MAU2: variants seen among roughly 807,000 people sequenced by gnomAD.
MAU2 encodes the protein MAU2 sister chromatid cohesion factor.
In MAU2, 9 loss-of-function variants were observed where a neutral mutation model predicts 89.1. The ratio of observed to expected loss-of-function variants is 0.10; its 90% CI spans 0.06 to 0.18. The LOEUF is 0.18. MAU2 is among the 10% of genes least tolerant of loss of function. MAU2 has a pLI of 1.00. For synonymous variants in MAU2, 357 were observed against 343.4 expected, an observed-to-expected ratio of 1.04 and a Z score of -0.44; for missense variants, 425 against 803.5, an observed-to-expected ratio of 0.53 and a Z score of 5.69.
At chr19:19,328,983 G>A (rs1296568395) in intron 1 of MAU2, 2 of 453,282 alleles carry the variant, frequency 4.4e-6, no homozygotes, top group Admixed American at 2.4e-5. Context: ...TTTTAATGGT[G>A]GTTTTGCTCA....
chr19:19,326,220 T>G lies in MAU2; in HGVS notation c.276+5085T>G, dbSNP rs528555344. Among the ~76,000 whole-genome samples, 5 of 152,136 alleles carry G rather than the reference T, an allele frequency of 3.3e-5. No individual in the cohort carries two copies. In the South Asian group the frequency reaches 1.0e-3, roughly 32 times the overall value. On this transcript the variant is annotated intron_variant, in intron 1 of 18. Transcript: ENST00000262815. ...ATATATAACATACTTACTCGTCTACTTCATCAAGTCAACTAACTTTGAAAG... is the reference window on the plus strand; with the variant it reads ...ATATATAACATACTTACTCGTCTACGTCATCAAGTCAACTAACTTTGAAAG...
intron 1 of MAU2, chr19:19,328,994 T>C: frequency 2.2e-6 from 1 of 454,900 alleles, no homozygotes; most frequent in Non-Finnish European, 4.4e-6. Flanking sequence ...GTTTTGCTCA[T>C]CTGACTTAGA....
intron 7 of MAU2, among the ~76,000 whole-genome samples, chr19:19,341,795 G>C (rs903467680): frequency 1.3e-5 from 2 of 152,192 alleles, no homozygotes; most frequent in Admixed American, 1.3e-4. Flanking sequence ...GTGGGGTTGA[G>C]TAGGGACTGA....
At chr19:19,342,974 C>T in intron 9 of MAU2, 108 bp downstream of exon 9, 1 of 1,169,422 alleles carries the variant, frequency 8.6e-7, no homozygotes, top group Non-Finnish European at 1.3e-6. Context: ...CCGCAGCGCC[C>T]AGCCACCCTG....
intron 9 of MAU2, among the ~76,000 whole-genome samples, chr19:19,343,559 T>C (rs1396787062): frequency 2.6e-5 from 4 of 152,184 alleles, no homozygotes; most frequent in Non-Finnish European, 2.9e-5. Context: ...GAACCTGCCA[T>C]GTCCACAAGC....
At chr19:19,333,481 G>A (rs546834738) in intron 1 of MAU2, among the ~76,000 whole-genome samples, 2 of 152,296 alleles carry the variant, frequency 1.3e-5, no homozygotes, top group African/African-American at 4.8e-5. Context: ...GTGAGACTGT[G>A]TCTCAAAAAA....
intron 17 of MAU2, 120 bp from the exon 18 acceptor site, chr19:19,355,144 G>C: frequency 7.6e-7 from 1 of 1,309,202 alleles, no homozygotes; most frequent in South Asian, 1.4e-5. Context: ...TGACGTGCCA[G>C]GCACCCAGAG....
chr19:19,339,219 G>C (rs956722320), intron 5 of MAU2, among the ~76,000 whole-genome samples: 1 of 152,168 alleles, frequency 6.6e-6, no homozygotes, highest in Non-Finnish European at 1.5e-5. Context: ...AGAGGCTAAC[G>C]TGGGAGGATC....
intron 13 of MAU2, 89 bp downstream of exon 13, chr19:19,347,455 T>C: frequency 1.0e-6 from 1 of 1,001,836 alleles, no homozygotes; most frequent in Non-Finnish European, 1.6e-6. Context: ...CCAGCACATC[T>C]CAGCAGACCC....
chr19:19,354,668 GAC>G (rs1568669671), intron 17 of MAU2: 9 of 569,096 alleles, frequency 1.6e-5, no homozygotes, highest in Admixed American at 1.5e-4. Flanking sequence ...GTCTCTATAG[GAC>G]ACAGAGGCTG....
At chr19:19,355,012 G>C in intron 17 of MAU2, 2 of 454,052 alleles carry the variant, frequency 4.4e-6, no homozygotes, top group South Asian at 6.5e-5. Context: ...CTGGCCATGG[G>C]CTCCCTGGAG....
Position 19,347,592 on chromosome 19 carries a change from A to G in MAU2, c.1308+226A>G, listed in dbSNP as rs574417357. On this transcript the variant is annotated intron_variant, in intron 13 of 18. Transcript: ENST00000262815. ...AAAAACATTCCCATAGCCACAGAAC[A>G]CTTCTCTTTATCACAAACAAACCAA... 2.9e-5 allele frequency: 15 copies of G among 511,628 alleles called. No individual in the cohort carries two copies. The East Asian group carries it at 3.9e-4, about 13-fold the overall frequency. 31.7% of individuals were successfully genotyped at this position (511,628 alleles called of 1,614,324 possible).
At chr19:19,338,765 T>A (rs905280316) in intron 4 of MAU2, 80 bp from the exon 5 acceptor site, 2 of 1,068,362 alleles carry the variant, frequency 1.9e-6, no homozygotes, top group African/African-American at 1.5e-5. Context: ...TTTGGTTGAG[T>A]TTGCTAACAG....
At chr19:19,335,456 C>T (rs1486963850) in intron 1 of MAU2, among the ~76,000 whole-genome samples, 2 of 152,176 alleles carry the variant, frequency 1.3e-5, no homozygotes, top group Non-Finnish European at 2.9e-5. Context: ...GGGTCTGACT[C>T]CAAGTGCGAG....
Position 19,358,220 on chromosome 19 carries a change from C to T in MAU2, c.*2438C>T, listed in dbSNP as rs929891171. The T allele has an allele frequency of 2.6e-5, 4 of 152,382 alleles. No homozygotes were observed. Among genetic ancestry groups the T allele is most frequent in the East Asian group, 3.8e-4 (2 of 5,196 alleles). The allele number at this position is 152,382 out of a possible 1,614,324, so 9.4% of individuals were successfully genotyped here. On this transcript the variant is annotated 3_prime_UTR_variant, in exon 19 of 19. Transcript: ENST00000262815. ...GAGGACAAGGTCGCAGAAAGGCATT[C>T]TGTTGACAGATGAACAGCCGAAAGC...
rs117955413 is a variant in MAU2 at position 19,338,910 on chromosome 19, C to T, written c.522C>T (p.Tyr174=). The change falls in exon 5 of 19, where the codon TAC becomes TAT. Residue 174 remains tyrosine (Y), a synonymous_variant. Transcript: ENST00000262815. ...ACCTCCTGGGTGTAGGGGCCGAGTA[C>T]GCCCGGGTGGTGGGATCTGAATACA... is the stretch of plus-strand genomic sequence containing the variant. The part of the protein sequence containing the change: ...ACDLLGVGAE[Y]ARVVGSEYTR... 3.8e-3 allele frequency: 6,180 copies of T among 1,613,582 alleles called. 104 individuals carry two copies. The highest frequency in any genetic ancestry group is 0.032 in the South Asian group (2,937 of 90,914).
In MAU2 at chr19:19,320,843, T is replaced by G; in HGVS notation, c.-17T>G. 2 of 1,510,602 alleles carry G rather than the reference T, an allele frequency of 1.3e-6. No individual in the cohort carries two copies. Among genetic ancestry groups the G allele is most frequent in the Non-Finnish European group, 1.8e-6 (2 of 1,141,840 alleles). 93.6% of individuals were successfully genotyped at this position (1,510,602 alleles called of 1,614,324 possible). A position where few individuals can be genotyped will look rare whatever the true frequency, so the allele number is the denominator to read the frequency against. ...TCCGCCTCCCTGTGGCGGCGGCTTGTTGTTGTGGAGGCCAAAATGGCGGCT... is the reference window on the plus strand; with the variant it reads ...TCCGCCTCCCTGTGGCGGCGGCTTGGTGTTGTGGAGGCCAAAATGGCGGCT... On this transcript the variant is annotated 5_prime_UTR_variant, in exon 1 of 19. Transcript: ENST00000262815.
At chr19:19,341,834 C>A (rs899573343) in intron 7 of MAU2, among the ~76,000 whole-genome samples, 1 of 152,166 alleles carries the variant, frequency 6.6e-6, no homozygotes, top group Non-Finnish European at 1.5e-5. Flanking sequence ...AGACTGGACT[C>A]ATGACCCTGC....
intron 11 of MAU2, 34 bp downstream of exon 11, chr19:19,344,960 C>G (rs1222509014): frequency 1.9e-6 from 3 of 1,593,348 alleles, no homozygotes; most frequent in Admixed American, 1.7e-5. Flanking sequence ...CCGGGAGAAT[C>G]CAGAATGTTC....
Sources: allele counts gnomAD v4.1 joint callset (sites outside exome capture counted in the v4.1 genomes callset), GRCh38; gene constraint gnomAD v4.1.1; transcripts MANE v1.5; gene names NCBI Gene and HGNC (gene_info 2026-07-23, HGNC 2026-07-21).